Variants in KALRN observed in about 807,000 individuals in gnomAD.
The protein encoded by KALRN is kalirin RhoGEF kinase, also known as kalirin.
Under a neutral mutation model 353.7 loss-of-function variants are expected in KALRN, and 70 were observed. That is an observed-to-expected ratio of 0.20 (90% CI 0.16 to 0.24). KALRN has a LOEUF of 0.24. Ranked by LOEUF, KALRN falls within the 10% of genes least tolerant of loss-of-function variation. The pLI is 1.00. For synonymous variants in KALRN, 1,391 were observed against 1,434.8 expected, an observed-to-expected ratio of 0.97 and a Z score of 0.69; for missense variants, 2,791 against 3,756.7, an observed-to-expected ratio of 0.74 and a Z score of 6.72.
chr3:124,634,042 C>T (rs1369173430), intron 36 of KALRN, 89 bp downstream of exon 36: 8 of 933,214 alleles, frequency 8.6e-6, no homozygotes, highest in Non-Finnish European at 1.3e-5. Context: ...CATACTCTTT[C>T]TCCCATGTTA....
chr3:124,136,489 T>TC (rs963174111), intron 1 of KALRN, among the ~76,000 whole-genome samples: 217 of 149,898 alleles, frequency 1.4e-3, no homozygotes, highest in South Asian at 3.6e-3. Context: ...ATTGCCAAGG[T>TC]CCCCCCCCCA....
chr3:124,378,829 CTACTT>C (rs1440030809), intron 10 of KALRN, among the ~76,000 whole-genome samples: 1 of 150,890 alleles, frequency 6.6e-6, no homozygotes, highest in African/African-American at 2.5e-5. Flanking sequence ...TTTCCTCTGT[CTACTT>C]TAAAGATTTT....
chr3:124,282,500 C>T (rs2075449903), intron 5 of KALRN, among the ~76,000 whole-genome samples: 1 of 151,778 alleles, frequency 6.6e-6, no homozygotes, highest in South Asian at 2.1e-4. Flanking sequence ...GCCTCAGCCT[C>T]CTGAGTAACT....
chr3:124,356,179 C>G (rs1407421472), intron 10 of KALRN, among the ~76,000 whole-genome samples: 1 of 152,018 alleles, frequency 6.6e-6, no homozygotes, highest in African/African-American at 2.4e-5. Flanking sequence ...CCCCTCGACC[C>G]CTGCCATTGG....
In KALRN at chr3:124,562,871, T is replaced by C; in HGVS notation, c.4964T>C (p.Val1655Ala). The C allele has an allele frequency of 7.3e-7, 1 of 1,366,976 alleles. No homozygotes were observed. Among genetic ancestry groups the C allele is most frequent in the Non-Finnish European group, 9.8e-7 (1 of 1,021,688 alleles). 84.7% of individuals were successfully genotyped at this position (1,366,976 alleles called of 1,614,324 possible). ...TCTGGTGGATGTGAGCTGACAGTGGTCCTCCAGGACTTCAGTGCGGGCCAC... is the reference window on the plus strand; with the variant it reads ...TCTGGTGGATGTGAGCTGACAGTGGCCCTCCAGGACTTCAGTGCGGGCCAC... ...KLSGGCELTVVLQDFSAGHSS... is the reference protein window; with the variant it reads ...KLSGGCELTVALQDFSAGHSS... The change falls in exon 34 of 60, where the codon GTC (valine) becomes GCC (alanine). Residue 1655 changes from valine to alanine, a missense_variant. This residue lies in a region of KALRN where 239 missense variants were observed against 351.3 expected (regional missense o/e 0.68). Coordinates refer to ENST00000682506, the MANE Select transcript of KALRN (RefSeq NM_001388419.1).
At chr3:124,322,392 T>C (rs1394720275) in intron 6 of KALRN, among the ~76,000 whole-genome samples, 1 of 152,176 alleles carries the variant, frequency 6.6e-6, no homozygotes, top group Non-Finnish European at 1.5e-5. Flanking sequence ...GGACCAAAAC[T>C]CATGACTCTT....
intron 33 of KALRN, among the ~76,000 whole-genome samples, chr3:124,530,311 C>A (rs1234418759): frequency 6.6e-6 from 1 of 152,156 alleles, no homozygotes; most frequent in Non-Finnish European, 1.5e-5. Context: ...ATTGCATTAT[C>A]CTGAGAGGTC....
At chr3:124,084,223 G>A (rs2060688796) in intron 1 of KALRN, among the ~76,000 whole-genome samples, 3 of 152,224 alleles carry the variant, frequency 2.0e-5, no homozygotes, top group East Asian at 1.9e-4. Flanking sequence ...CTGAAAGGGG[G>A]TTAAGGCATT....
At chr3:124,640,223 CA>C (rs2081884963) in intron 37 of KALRN, among the ~76,000 whole-genome samples, 1 of 151,134 alleles carries the variant, frequency 6.6e-6, no homozygotes, top group South Asian at 2.1e-4. Flanking sequence ...CAATAGTATT[CA>C]AAGGTATTCA....
chr3:124,412,092 A>T (rs1174781729), intron 13 of KALRN, among the ~76,000 whole-genome samples: 4 of 152,202 alleles, frequency 2.6e-5, no homozygotes, highest in Admixed American at 2.6e-4. Context: ...TAGACAAAAA[A>T]AATGAAATCC....
chr3:124,424,159 G>A (rs1419019863), intron 15 of KALRN, among the ~76,000 whole-genome samples: 1 of 152,152 alleles, frequency 6.6e-6, no homozygotes, highest in Admixed American at 6.5e-5. Flanking sequence ...GGTCCCGGGG[G>A]GGTTCCCAGC....
rs397876079 is a variant in KALRN at position 124,437,689 on chromosome 3, CAAAAAAAAAA to C, written c.3049-1182_3049-1173del. ...TGGGTGAAAAAGCTAGATTCCGTCT[CAAAAAAAAAA>C]AAAAAAAAAAAAAAAAGACGTTTTT... On this transcript the variant is annotated intron_variant, in intron 17 of 59. Coordinates refer to ENST00000682506, the MANE Select transcript of KALRN (RefSeq NM_001388419.1). Among the ~76,000 whole-genome samples, 11 of 48,334 alleles carry C rather than the reference CAAAAAAAAAA, an allele frequency of 2.3e-4. No individual in the cohort carries two copies. In the South Asian group the frequency reaches 7.6e-3, roughly 34 times the overall value. The allele number at this position is 48,334 out of a possible 152,430, so 31.7% of individuals were successfully genotyped here.
Position 124,383,721 on chromosome 3 carries a change from A to T in KALRN, c.1771-1124A>T, listed in dbSNP as rs946127993. ...GTCACATTCTGAGATACTGGGGATT[A>T]GGAGTTCAACATGTGAATTTGAGTG... On this transcript the variant is annotated intron_variant, in intron 10 of 59. Coordinates refer to ENST00000682506, the MANE Select transcript of KALRN (RefSeq NM_001388419.1). Among the ~76,000 whole-genome samples, 3 of 152,214 alleles carry T rather than the reference A, an allele frequency of 2.0e-5. No individual in the cohort carries two copies. In the South Asian group the frequency reaches 6.2e-4, roughly 31 times the overall value.
chr3:124,318,923 T>C (rs920640495), intron 6 of KALRN, among the ~76,000 whole-genome samples: 2 of 152,174 alleles, frequency 1.3e-5, no homozygotes, highest in Admixed American at 6.5e-5. Flanking sequence ...CCTTTTTTTA[T>C]TTCCTAACTG....
intron 5 of KALRN, among the ~76,000 whole-genome samples, chr3:124,290,067 G>A (rs988091769): frequency 1.3e-5 from 2 of 152,166 alleles, no homozygotes; most frequent in Non-Finnish European, 2.9e-5. Context: ...TGGAGGATTG[G>A]TAAGCTTTCA....
At chr3:124,266,909 G>A (rs1393388350) in intron 4 of KALRN, among the ~76,000 whole-genome samples, 2 of 152,176 alleles carry the variant, frequency 1.3e-5, no homozygotes, top group African/African-American at 2.4e-5. Context: ...TGTATAAGCT[G>A]AAGAGACTGA....
intron 21 of KALRN, among the ~76,000 whole-genome samples, chr3:124,451,845 A>T (rs1238478245): frequency 6.6e-6 from 1 of 152,118 alleles, no homozygotes; most frequent in Non-Finnish European, 1.5e-5. Flanking sequence ...AATCTGTATA[A>T]TGTTCTACCA....
chr3:124,138,678 G>A (rs375953543), intron 1 of KALRN, among the ~76,000 whole-genome samples: 33 of 152,166 alleles, frequency 2.2e-4, no homozygotes, highest in East Asian at 1.7e-3. Flanking sequence ...TGGAATTCCC[G>A]GGCCTTTTGG....
intron 6 of KALRN, among the ~76,000 whole-genome samples, chr3:124,305,497 T>G (rs1414778608): frequency 1.3e-5 from 2 of 152,222 alleles, no homozygotes; most frequent in Non-Finnish European, 2.9e-5. Context: ...CAGCTTGCAA[T>G]TAATGGAATT....
Sources: gnomAD v4.1 joint callset for allele counts (sites outside exome capture counted in the v4.1 genomes callset) on GRCh38, gnomAD v4.1.1 for gene constraint, gnomAD v4.1.1 regional missense constraint, MANE v1.5 for transcripts, NCBI Gene and HGNC (gene_info 2026-07-23, HGNC 2026-07-21) for gene names.